Variants in PEAK1 observed in about 807,000 individuals in gnomAD.
The protein encoded by PEAK1 is pseudopodium enriched atypical kinase 1.
A neutral mutation model predicts 124.7 loss-of-function variants in PEAK1; 54 were observed. That is an observed-to-expected ratio of 0.43 (90% CI 0.35 to 0.54). The LOEUF is 0.54. Ranked by LOEUF, PEAK1 falls within the 20% of genes least tolerant of loss-of-function variation. The pLI, the probability that PEAK1 is intolerant of heterozygous loss-of-function variation, is 0.01. For synonymous variants in PEAK1, 719 were observed against 760.0 expected (o/e 0.95, Z 0.89); for missense variants, 2,046 against 2,134.5 (o/e 0.96, Z 0.82).
At chr15:77,333,486 T>A in intron 2 of PEAK1, 2 of 890,944 alleles carry the variant, frequency 2.2e-6, no homozygotes, top group Non-Finnish European at 2.7e-6. Flanking sequence ...AATAAATATT[T>A]TCTTAAACAT....
At chr15:77,311,278 T>G (rs2064423658) in intron 2 of PEAK1, among the ~76,000 whole-genome samples, 1 of 152,156 alleles carries the variant, frequency 6.6e-6, no homozygotes, top group Admixed American at 6.5e-5. Flanking sequence ...ATTCAGAAGT[T>G]TTCTGAATGA....
intron 2 of PEAK1, among the ~76,000 whole-genome samples, chr15:77,320,808 C>G (rs1418730140): frequency 2.0e-5 from 3 of 151,926 alleles, no homozygotes; most frequent in Non-Finnish European, 4.4e-5. Context: ...TATCCCTCCC[C>G]CGTCCCCCAC....
rs115298363 is a variant in PEAK1, at chr15:77,231,931, T to C, written c.-115+20436A>G. On this transcript the variant is annotated intron_variant, in intron 6 of 9. Transcript: ENST00000682557. ...ACTTCTGACTATGTTTAAATAGATA[T>C]ACAGTGAAATTTGAAAAACAAAACA... is the stretch of plus-strand genomic sequence containing the variant. Among the ~76,000 whole-genome samples, 1,108 of 152,294 alleles carry C rather than the reference T, an allele frequency of 7.3e-3. 15 individuals carry two copies. Among genetic ancestry groups the C allele is most frequent in the African/African-American group, 0.025 (1,052 of 41,566 alleles).
chr15:77,271,479 A>T (rs937282839), intron 5 of PEAK1, among the ~76,000 whole-genome samples: 6 of 152,324 alleles, frequency 3.9e-5, no homozygotes, highest in East Asian at 1.9e-4. Context: ...ACACATGCAT[A>T]TGTATGCTTA....
chr15:77,328,178 ATCC>A (rs2065690500), intron 2 of PEAK1, among the ~76,000 whole-genome samples: 1 of 152,160 alleles, frequency 6.6e-6, no homozygotes, highest in Non-Finnish European at 1.5e-5. Context: ...TCCTGATATG[ATCC>A]TCAATTTCCC....
intron 2 of PEAK1, among the ~76,000 whole-genome samples, chr15:77,360,952 A>C (rs955780240): frequency 6.6e-6 from 1 of 152,168 alleles, no homozygotes; most frequent in Non-Finnish European, 1.5e-5. Context: ...ATGCTCCAGG[A>C]CACTGGTCTG....
intron 2 of PEAK1, among the ~76,000 whole-genome samples, chr15:77,354,782 G>A (rs1360897447): frequency 6.6e-6 from 1 of 152,188 alleles, no homozygotes; most frequent in Non-Finnish European, 1.5e-5. Flanking sequence ...GTTCATGCCT[G>A]TAATCCCAGC....
At chr15:77,420,438 T>G (rs906436183), upstream of PEAK1, 4 of 154,578 alleles carry the variant, frequency 2.6e-5, no homozygotes, top group African/African-American at 7.2e-5. Context: ...GCCGAGACCT[T>G]GGGCCCGCGT....
intron 1 of PEAK1, among the ~76,000 whole-genome samples, chr15:77,375,418 A>G (rs995432610): frequency 7.2e-5 from 11 of 152,212 alleles, no homozygotes; most frequent in African/African-American, 2.7e-4. Flanking sequence ...AAGCCAAGGT[A>G]GCACTGAAGT....
At chr15:77,158,352 G>A in intron 8 of PEAK1, 151 bp downstream of exon 8, 3 of 691,172 alleles carry the variant, frequency 4.3e-6, no homozygotes, top group South Asian at 3.8e-5. Context: ...ACATCAGAAC[G>A]TTTTTCTGAT....
intron 7 of PEAK1, among the ~76,000 whole-genome samples, chr15:77,177,620 T>G (rs2056964572): frequency 6.6e-6 from 1 of 152,048 alleles, no homozygotes; most frequent in South Asian, 2.1e-4. Context: ...AGGCCCTTCT[T>G]TCTTTACTTC....
intron 6 of PEAK1, among the ~76,000 whole-genome samples, chr15:77,187,824 G>A (rs1342528341): frequency 6.6e-6 from 1 of 152,090 alleles, no homozygotes; most frequent in Non-Finnish European, 1.5e-5. Flanking sequence ...CCATCTCCAG[G>A]ATGCTAGGGA....
At chr15:77,417,565 G>C (rs1338337891) in intron 1 of PEAK1, 1 of 985,372 alleles carries the variant, frequency 1.0e-6, no homozygotes, top group East Asian at 1.1e-4. Flanking sequence ...ACAGGGATTT[G>C]CAACACTGAT....
At chr15:77,197,368 G>A (rs1357587523) in intron 6 of PEAK1, among the ~76,000 whole-genome samples, 3 of 152,094 alleles carry the variant, frequency 2.0e-5, no homozygotes, top group African/African-American at 4.8e-5. Context: ...AACAAGAGGT[G>A]AAATTTATAT....
rs2051120686 is a variant in PEAK1 at position 77,113,733 on chromosome 15, C to T, written c.*423G>A. On this transcript the variant is annotated 3_prime_UTR_variant, in exon 10 of 10. Transcript: ENST00000682557. Reference sequence around the variant, plus strand: ...AGAGTCTACTGGGTCGTGGTAGAGACTGGTTAAGTCTGTCTACTGCTAGTG... The same window carrying T: ...AGAGTCTACTGGGTCGTGGTAGAGATTGGTTAAGTCTGTCTACTGCTAGTG... 5.7e-6 allele frequency: 1 copy of T among 175,616 alleles called. No individual in the cohort carries two copies. Among genetic ancestry groups the T allele is most frequent in the Admixed American group, 5.5e-5 (1 of 18,240 alleles). The allele number at this position is 175,616 out of a possible 1,614,324, so 10.9% of individuals were successfully genotyped here.
intron 9 of PEAK1, among the ~76,000 whole-genome samples, chr15:77,123,457 G>T (rs549780343): frequency 9.2e-5 from 14 of 152,232 alleles, no homozygotes; most frequent in African/African-American, 3.1e-4. Context: ...ACTGCTTCAG[G>T]CATGAAATAA....
At chr15:77,332,915 G>T in intron 2 of PEAK1, 2 of 253,908 alleles carry the variant, frequency 7.9e-6, no homozygotes, top group Non-Finnish European at 1.2e-5. Context: ...GATTGATGAT[G>T]CTTTCCCACA....
chr15:77,302,896 G>C (rs376379566), intron 2 of PEAK1, among the ~76,000 whole-genome samples: 1 of 152,148 alleles, frequency 6.6e-6, no homozygotes, highest in African/African-American at 2.4e-5. Flanking sequence ...CCCTAAAAAA[G>C]TCCTGGTTTT....
intron 2 of PEAK1, among the ~76,000 whole-genome samples, chr15:77,295,425 C>T (rs1024881205): frequency 2.6e-5 from 4 of 152,120 alleles, no homozygotes; most frequent in Non-Finnish European, 4.4e-5. Context: ...TTGTGGACTA[C>T]GGATGCTTTG....
Sources: gnomAD v4.1 joint callset for allele counts (sites outside exome capture counted in the v4.1 genomes callset) on GRCh38, gnomAD v4.1.1 for gene constraint, MANE v1.5 for transcripts, NCBI Gene and HGNC (gene_info 2026-07-23, HGNC 2026-07-21) for gene names.